KHDRBS2: variants seen among roughly 807,000 people sequenced by gnomAD.
KHDRBS2 encodes KH RNA binding domain containing, signal transduction associated 2, also known as KH domain-containing, RNA-binding, signal transduction-associated protein 2.
Under a neutral mutation model 44.3 loss-of-function variants are expected in KHDRBS2, and 26 were observed. The observed-to-expected ratio is 0.59, with a 90% CI of 0.43 to 0.81. KHDRBS2 has a LOEUF of 0.81. Ranked by LOEUF, KHDRBS2 falls within the 40% of genes least tolerant of loss-of-function variation. The pLI is 0.00. For synonymous variants in KHDRBS2, 194 were observed against 151.1 expected (o/e 1.28, Z -2.08); for missense variants, 476 against 433.1 (o/e 1.10, Z -0.88).
intron 2 of KHDRBS2, among the ~76,000 whole-genome samples, chr6:62,056,959 C>G (rs929108079): frequency 6.6e-6 from 1 of 151,906 alleles, no homozygotes; most frequent in Non-Finnish European, 1.5e-5. Context: ...CAAATTGAAA[C>G]CAAACTGTGA....
In KHDRBS2 at chr6:61,945,179, T is replaced by C. The variant is rs1471660162; in HGVS notation, c.483+32887A>G. 1.6e-4 allele frequency among the ~76,000 whole-genome samples: 20 copies of C among 122,622 alleles called. No homozygotes were observed. The Admixed American group carries it at 1.6e-3, about 10-fold the overall frequency. 80.4% of individuals were successfully genotyped at this position (122,622 alleles called of 152,430 possible). On this transcript the variant is annotated intron_variant, in intron 4 of 8. Coordinates refer to ENST00000281156, the MANE Select transcript of KHDRBS2 (RefSeq NM_152688.4). ...CACAGACTTGTCTTGATAAAGTTTA[T>C]TTTTAATAGTAAGATTTTATTAATG...
chr6:61,779,647 A>C (rs1029732359), intron 6 of KHDRBS2, among the ~76,000 whole-genome samples: 3 of 141,816 alleles, frequency 2.1e-5, no homozygotes, highest in African/African-American at 8.2e-5. Context: ...CTCAATTAGA[A>C]AATATGGCAC....
intron 7 of KHDRBS2, among the ~76,000 whole-genome samples, chr6:61,706,632 A>C (rs765043125): frequency 2.0e-5 from 3 of 151,832 alleles, no homozygotes; most frequent in Non-Finnish European, 4.4e-5. Context: ...AAAAATCATT[A>C]CATAATTCAA....
chr6:61,605,788 C>T, the KHDRBS2 span, among the ~76,000 whole-genome samples: 1 of 152,108 alleles, frequency 6.6e-6, no homozygotes, highest in East Asian at 1.9e-4. Flanking sequence ...ACCACTATTT[C>T]ATTTTATTTT....
intron 4 of KHDRBS2, among the ~76,000 whole-genome samples, chr6:61,901,590 A>G (rs1235525466): frequency 2.0e-5 from 3 of 152,224 alleles, no homozygotes; most frequent in Non-Finnish European, 4.4e-5. Context: ...TTTTATCAAG[A>G]AAGTACTCAG....
At chr6:62,150,039 C>T (rs1814788225) in intron 2 of KHDRBS2, among the ~76,000 whole-genome samples, 2 of 151,990 alleles carry the variant, frequency 1.3e-5, no homozygotes, top group Admixed American at 1.3e-4. Context: ...GTACAGAGTA[C>T]ATCCTGAATT....
intron 6 of KHDRBS2, among the ~76,000 whole-genome samples, chr6:61,741,838 T>C (rs1776182150): frequency 6.6e-6 from 1 of 151,982 alleles, no homozygotes; most frequent in Non-Finnish European, 1.5e-5. Flanking sequence ...GAAATGTCAT[T>C]CTGACTCTGT....
chr6:61,966,456 G>A (rs1188877587), intron 4 of KHDRBS2, among the ~76,000 whole-genome samples: 2 of 151,924 alleles, frequency 1.3e-5, no homozygotes, highest in Admixed American at 6.6e-5. Context: ...CCATGAATGT[G>A]AATTCCCTGG....
intron 6 of KHDRBS2, among the ~76,000 whole-genome samples, chr6:61,882,672 T>C (rs2127318899): frequency 6.6e-6 from 1 of 152,110 alleles, no homozygotes; most frequent in African/African-American, 2.4e-5. Context: ...AGTAAAAGCC[T>C]TTGGATCATA....
intron 2 of KHDRBS2, among the ~76,000 whole-genome samples, chr6:62,106,455 G>C (rs1322906069): frequency 6.6e-6 from 1 of 152,074 alleles, no homozygotes; most frequent in Non-Finnish European, 1.5e-5. Context: ...TTATGAATCT[G>C]GGTGCTCCTG....
rs527976447 is a variant in KHDRBS2 at position 62,238,682 on chromosome 6, TTA to T, written c.91+47174_91+47175del. Among the ~76,000 whole-genome samples the T allele has an allele frequency of 2.2e-3, 271 of 125,080 alleles. 3 individuals are homozygous for T. In the East Asian group the frequency reaches 0.023, roughly 11 times the overall value. 82.1% of individuals were successfully genotyped at this position (125,080 alleles called of 152,430 possible). A position where few individuals can be genotyped will look rare whatever the true frequency, so the allele number is the denominator to read the frequency against. ...TGACTGGATGAAAGGCTTTTAAGTT[TTA>T]TATACACACACACACACACACACAC... On this transcript the variant is annotated intron_variant, in intron 1 of 8. Transcript: ENST00000281156.
chr6:62,127,773 T>C (rs1276116283), intron 2 of KHDRBS2, among the ~76,000 whole-genome samples: 1 of 152,196 alleles, frequency 6.6e-6, no homozygotes, highest in South Asian at 2.1e-4. Context: ...AAGTCTAACA[T>C]TTATAGTTTC....
chr6:62,151,030 C>CTGCTCA (rs773792533), intron 2 of KHDRBS2, among the ~76,000 whole-genome samples: 41 of 152,220 alleles, frequency 2.7e-4, no homozygotes, highest in Non-Finnish European at 5.1e-4. Flanking sequence ...CCGTCCCTAC[C>CTGCTCA]CCATACTTCT....
intron 6 of KHDRBS2, among the ~76,000 whole-genome samples, chr6:61,869,822 G>C (rs1438123945): frequency 1.3e-5 from 2 of 152,082 alleles, no homozygotes; most frequent in African/African-American, 4.8e-5. Context: ...CGTGGATGCC[G>C]GCCCAGATAC....
At chr6:61,671,956 A>T in the KHDRBS2 span, among the ~76,000 whole-genome samples, 1 of 151,850 alleles carries the variant, frequency 6.6e-6, no homozygotes, top group Non-Finnish European at 1.5e-5. Context: ...CTAACTCGTC[A>T]TCTAGCATTA....
At position 61,843,556 on chromosome 6, in the gene KHDRBS2, G is replaced by A. The variant is rs184296000; in HGVS notation, c.810+51079C>T. On this transcript the variant is annotated intron_variant, in intron 6 of 8. Transcript: ENST00000281156. The stretch of plus-strand genomic sequence containing the variant: ...ATTTTTGTATTTTTTTAGTAGAGAC[G>A]GGGTTGCCATGTTGGCCAGGCTGGT... Among the ~76,000 whole-genome samples, 260 of 151,608 alleles carry A rather than the reference G, an allele frequency of 1.7e-3. 2 individuals are homozygous for A. The highest frequency in any genetic ancestry group is 5.9e-3 in the African/African-American group (246 of 41,376).
intron 3 of KHDRBS2, among the ~76,000 whole-genome samples, chr6:61,991,229 C>A (rs1484684508): frequency 6.6e-6 from 1 of 152,006 alleles, no homozygotes. Flanking sequence ...GTCTCAATAG[C>A]CTAAAATTAG....
intron 1 of KHDRBS2, among the ~76,000 whole-genome samples, chr6:62,202,261 C>T (rs1431313734): frequency 6.6e-6 from 1 of 152,060 alleles, no homozygotes; most frequent in Non-Finnish European, 1.5e-5. Context: ...CTTAGAGACT[C>T]CCACACCAAC....
chr6:62,120,251 G>T (rs928317557), intron 2 of KHDRBS2, among the ~76,000 whole-genome samples: 8 of 152,164 alleles, frequency 5.3e-5, no homozygotes, highest in African/African-American at 1.9e-4. Context: ...TAGAGGAAGA[G>T]ATCCAAAGGC....
Sources: allele counts gnomAD v4.1 joint callset (sites outside exome capture counted in the v4.1 genomes callset), GRCh38; gene constraint gnomAD v4.1.1; transcripts MANE v1.5; gene names NCBI Gene and HGNC (gene_info 2026-07-23, HGNC 2026-07-21).